Variants in MAEL observed in about 807,000 individuals in gnomAD.
MAEL encodes the protein protein maelstrom homolog.
In MAEL, 46 loss-of-function variants were observed where a neutral mutation model predicts 62.0. The observed-to-expected ratio is 0.74, with a 90% CI of 0.59 to 0.95. MAEL has a LOEUF of 0.95. Ranked by LOEUF, MAEL falls within the 40% of genes least tolerant of loss-of-function variation. MAEL has a pLI of 0.00. For synonymous variants in MAEL, 172 were observed against 175.5 expected (o/e 0.98, Z 0.16); for missense variants, 497 against 526.8 (o/e 0.94, Z 0.55).
At chr1:167,010,853 G>A (rs1665141760) in intron 8 of MAEL, among the ~76,000 whole-genome samples, 1 of 152,204 alleles carries the variant, frequency 6.6e-6, no homozygotes, top group Non-Finnish European at 1.5e-5. Context: ...TTAGCGGGAG[G>A]TTTGATTGAG....
chr1:167,012,481 C>T (rs1222846396), intron 8 of MAEL: 1 of 152,184 alleles, frequency 6.6e-6, no homozygotes, highest in Non-Finnish European at 1.5e-5. Context: ...ATTTATTGAG[C>T]ACCTCCTCTG....
intron 2 of MAEL, 57 bp downstream of exon 2, chr1:166,989,886 A>G (rs1232089964): frequency 7.4e-7 from 1 of 1,349,106 alleles, no homozygotes; most frequent in African/African-American, 1.5e-5. Context: ...TATTCAGTAA[A>G]GGCTGGATGA....
At chr1:166,984,743 C>T (rs546546151), upstream of MAEL, among the ~76,000 whole-genome samples, 5 of 152,246 alleles carry the variant, frequency 3.3e-5, no homozygotes, top group South Asian at 1.0e-3. Flanking sequence ...TCTGAAGAGA[C>T]ACCCAATTCT....
upstream of MAEL, among the ~76,000 whole-genome samples, chr1:166,987,878 G>C (rs1663975508): frequency 6.6e-6 from 1 of 152,070 alleles, no homozygotes; most frequent in African/African-American, 2.4e-5. Flanking sequence ...ACACAACCCT[G>C]ATACCAATAT....
chr1:167,001,752 G>A (rs952086169), intron 5 of MAEL, among the ~76,000 whole-genome samples: 1 of 152,148 alleles, frequency 6.6e-6, no homozygotes, highest in Non-Finnish European at 1.5e-5. Context: ...TTTTCTGCAT[G>A]TCATATGATT....
intron 5 of MAEL, among the ~76,000 whole-genome samples, chr1:166,998,913 T>C (rs1664543142): frequency 6.6e-6 from 1 of 152,206 alleles, no homozygotes; most frequent in Non-Finnish European, 1.5e-5. Context: ...TCAGTGATCC[T>C]TGATGTTACT....
chr1:166,976,572 A>T (rs1663588800), intron 1 of MAEL, among the ~76,000 whole-genome samples: 1 of 152,186 alleles, frequency 6.6e-6, no homozygotes, highest in Admixed American at 6.5e-5. Flanking sequence ...AGGAGGGGTA[A>T]CATCTGAGCT....
upstream of MAEL, among the ~76,000 whole-genome samples, chr1:166,988,582 T>C (rs920671672): frequency 6.6e-5 from 10 of 152,058 alleles, no homozygotes; most frequent in South Asian, 2.1e-4. Flanking sequence ...AGATCAGCAG[T>C]GTGACTATAT....
Position 166,991,468 on chromosome 1 carries a change from G to A in MAEL, c.316G>A (p.Gly106Ser). Residue 106 changes from glycine to serine, a missense_variant, in exon 3 of 12, where the codon GGT becomes AGT. Transcript: ENST00000367872. ...AGATATGTCAGCTTTGTCTTTAAAA[G>A]GTGATCAAGGTAGAGTAATCCTGAA... ...PPDMSALSLK[G>S]DQALLGGIFY... The A allele has an allele frequency of 6.2e-7, 1 of 1,602,230 alleles. No individual in the cohort carries two copies.
intron 8 of MAEL, 40 bp from the exon 9 acceptor site, chr1:167,016,182 C>G: frequency 1.9e-6 from 3 of 1,547,238 alleles, no homozygotes; most frequent in Non-Finnish European, 2.7e-6. Context: ...TTAAGCAGTG[C>G]TACTTCAGTT....
intron 8 of MAEL, among the ~76,000 whole-genome samples, chr1:167,010,117 C>T (rs1042239132): frequency 6.6e-6 from 1 of 152,154 alleles, no homozygotes; most frequent in Non-Finnish European, 1.5e-5. Context: ...ATGCTGTTCT[C>T]ATGAGATCTG....
chr1:166,990,672 A>G (rs1384991646), intron 2 of MAEL: 1 of 152,184 alleles, frequency 6.6e-6, no homozygotes, highest in African/African-American at 2.4e-5. Flanking sequence ...AAAAAGAAAA[A>G]AAAAAGTTGA....
intron 6 of MAEL, 98 bp downstream of exon 6, chr1:167,004,402 T>C: frequency 8.8e-7 from 1 of 1,132,688 alleles, no homozygotes; most frequent in South Asian, 1.8e-5. Context: ...TGTCTGTATA[T>C]TGTGTGTCTT....
At chr1:166,994,704 T>C (rs1664338389) in intron 5 of MAEL, among the ~76,000 whole-genome samples, 1 of 144,864 alleles carries the variant, frequency 6.9e-6, no homozygotes, top group South Asian at 2.2e-4. Flanking sequence ...GGAGCCTTGC[T>C]CTGTCACCAG....
At chr1:166,975,637 G>T (rs1663549560) in exon 1 of MAEL, 2 of 152,238 alleles carry the variant, frequency 1.3e-5, no homozygotes, top group South Asian at 1.9e-4. Flanking sequence ...AAAGTTTCTC[G>T]GTCACGTGCT....
intron 8 of MAEL, among the ~76,000 whole-genome samples, chr1:167,009,346 C>A (rs766605200): frequency 3.3e-5 from 5 of 152,170 alleles, no homozygotes; most frequent in Non-Finnish European, 7.4e-5. Context: ...CTAGAAAATG[C>A]AACTTCATTT....
At chr1:166,977,232 A>G (rs529834065) in intron 1 of MAEL, among the ~76,000 whole-genome samples, 35 of 151,048 alleles carry the variant, frequency 2.3e-4, no homozygotes, top group African/African-American at 8.3e-4. Context: ...CCTTTCATAA[A>G]CTCTTTCTTT....
intron 1 of MAEL, among the ~76,000 whole-genome samples, chr1:166,978,306 A>G (rs1311968897): frequency 6.6e-6 from 1 of 152,210 alleles, no homozygotes; most frequent in East Asian, 1.9e-4. Context: ...GGGATGCTAA[A>G]CTGGAGTGAA....
At chr1:166,994,366 T>C (rs1337668847) in intron 5 of MAEL, among the ~76,000 whole-genome samples, 1 of 152,310 alleles carries the variant, frequency 6.6e-6, no homozygotes, top group South Asian at 2.1e-4. Context: ...AGGTCTCAGA[T>C]TATCTAGATT....
Sources: gnomAD v4.1 joint callset for allele counts (sites outside exome capture counted in the v4.1 genomes callset) on GRCh38, gnomAD v4.1.1 for gene constraint, MANE v1.5 for transcripts, NCBI Gene and HGNC (gene_info 2026-07-23, HGNC 2026-07-21) for gene names.